Variants in TENM3 observed in about 807,000 individuals in gnomAD.
TENM3 encodes teneurin-3.
In TENM3, 63 loss-of-function variants were observed where a neutral mutation model predicts 255.1. The ratio of observed to expected loss-of-function variants is 0.25; its 90% CI spans 0.20 to 0.30. The LOEUF is 0.30. Among genes scored for constraint, TENM3 ranks in the 10% least tolerant of loss-of-function variants. The probability of loss-of-function intolerance (pLI) is 1.00; values close to 1 mark genes in which losing one functional copy is unlikely to be tolerated. For missense variants in TENM3, 2,929 were observed against 3,461.1 expected (o/e 0.85, Z 3.86); for synonymous variants, 1,306 against 1,322.3 (o/e 0.99, Z 0.27).
intron 2 of TENM3, among the ~76,000 whole-genome samples, chr4:182,326,769 C>G (rs2150522576): frequency 6.6e-6 from 1 of 152,210 alleles, no homozygotes; most frequent in East Asian, 1.9e-4. Context: ...TCTCAAACTC[C>G]TGGCCTCAAG....
At chr4:181,476,205 GGTT>G in the TENM3 span, among the ~76,000 whole-genome samples, 20,134 of 97,906 alleles carry the variant, frequency 0.21, 2,015 homozygotes, top group East Asian at 0.4. Flanking sequence ...ACATTTTAGG[GGTT>G]TTTTTTTTTT....
At chr4:182,460,757 A>C (rs1435286054) in intron 3 of TENM3, among the ~76,000 whole-genome samples, 1 of 152,098 alleles carries the variant, frequency 6.6e-6, no homozygotes, top group Non-Finnish European at 1.5e-5. Flanking sequence ...ATTGCACTTT[A>C]TTTCTTTTTA....
the TENM3 span, among the ~76,000 whole-genome samples, chr4:181,466,266 C>T: frequency 6.6e-6 from 1 of 151,858 alleles, no homozygotes. Flanking sequence ...TACAGGCATG[C>T]AACACCACAC....
chr4:182,350,476 G>T (rs145941425), intron 3 of TENM3, among the ~76,000 whole-genome samples: 93 of 152,298 alleles, frequency 6.1e-4, no homozygotes, highest in African/African-American at 2.2e-3. Context: ...CCCATTGATT[G>T]TTGTGGTGGT....
At position 182,390,304 on chromosome 4, in the gene TENM3, C is replaced by T. The variant is rs149076429; in HGVS notation, c.511+43375C>T. Among the ~76,000 whole-genome samples the T allele has an allele frequency of 5.9e-3, 900 of 152,262 alleles. 5 individuals are homozygous for T. Among genetic ancestry groups the T allele is most frequent in the African/African-American group, 0.021 (852 of 41,552 alleles). ...TAATAATTTATTAACTGCAACATTTCCTCTGGGCTTTATCTGTGTGATGCT... is the reference window on the plus strand; with the variant it reads ...TAATAATTTATTAACTGCAACATTTTCTCTGGGCTTTATCTGTGTGATGCT... On this transcript the variant is annotated intron_variant, in intron 3 of 27. Coordinates refer to ENST00000511685, the MANE Select transcript of TENM3 (RefSeq NM_001080477.4).
At chr4:182,441,638 C>T (rs1772496505) in intron 3 of TENM3, among the ~76,000 whole-genome samples, 1 of 152,202 alleles carries the variant, frequency 6.6e-6, no homozygotes, top group Non-Finnish European at 1.5e-5. Flanking sequence ...GCTGGGACTA[C>T]AGGCACGTGC....
the TENM3 span, among the ~76,000 whole-genome samples, chr4:181,858,134 C>T: frequency 1.3e-5 from 2 of 152,168 alleles, no homozygotes; most frequent in African/African-American, 2.4e-5. Flanking sequence ...GGTCCCACTC[C>T]GTCACCCAGG....
the TENM3 span, among the ~76,000 whole-genome samples, chr4:181,789,798 C>T: frequency 6.6e-6 from 1 of 152,258 alleles, no homozygotes; most frequent in South Asian, 2.1e-4. Context: ...GTTTGCTAAG[C>T]TTCCAGATTG....
At position 182,793,931 on chromosome 4, in the gene TENM3, T is replaced by C. The variant is rs888492670; in HGVS notation, c.7213+46T>C. 21 of 1,489,306 alleles carry C rather than the reference T, an allele frequency of 1.4e-5. No individual in the cohort carries two copies. The highest frequency in any genetic ancestry group is 1.8e-5 in the Non-Finnish European group (20 of 1,106,396). 92.3% of individuals were successfully genotyped at this position (1,489,306 alleles called of 1,614,324 possible). A position where few individuals can be genotyped will look rare whatever the true frequency, so the allele number is the denominator to read the frequency against. On this transcript the variant is annotated intron_variant, in intron 26 of 27. Transcript: ENST00000511685. This position sits in a 1 kb window ranked among gnomAD's most constrained non-coding sequence, Gnocchi z 5.7. ...CCAAGAGCTGGAGGACTACCATCAT[T>C]AGATTAATACACAAAATAACTGGAA...
the TENM3 span, among the ~76,000 whole-genome samples, chr4:181,993,080 C>A: frequency 1.3e-5 from 2 of 152,074 alleles, no homozygotes; most frequent in African/African-American, 4.8e-5. Flanking sequence ...CCTGTAAGGA[C>A]TTTTGTACCG....
At chr4:182,136,117 CA>C in the TENM3 span, among the ~76,000 whole-genome samples, 1 of 151,792 alleles carries the variant, frequency 6.6e-6, no homozygotes, top group Non-Finnish European at 1.5e-5. Context: ...CAGAGCACTA[CA>C]GTATCAAGTT....
the TENM3 span, among the ~76,000 whole-genome samples, chr4:181,788,590 T>C: frequency 6.6e-6 from 1 of 152,100 alleles, no homozygotes; most frequent in Admixed American, 6.6e-5. Flanking sequence ...GTCTCCCATC[T>C]TCTCATTTTT....
chr4:182,655,904 G>T (rs576764783), intron 6 of TENM3, among the ~76,000 whole-genome samples: 1 of 152,184 alleles, frequency 6.6e-6, no homozygotes, highest in South Asian at 2.1e-4. Context: ...AATGCATCCT[G>T]GGATTTTCCA....
At chr4:181,949,667 C>T in the TENM3 span, among the ~76,000 whole-genome samples, 1 of 152,200 alleles carries the variant, frequency 6.6e-6, no homozygotes, top group Non-Finnish European at 1.5e-5. Flanking sequence ...CTGCCATTCT[C>T]TACGTATCCC....
chr4:182,766,153 G>A (rs1473186316), intron 22 of TENM3, among the ~76,000 whole-genome samples: 2 of 152,120 alleles, frequency 1.3e-5, no homozygotes, highest in African/African-American at 4.8e-5. Flanking sequence ...CAGGATACAA[G>A]GAGAACAAAA....
chr4:181,705,788 T>C, the TENM3 span, among the ~76,000 whole-genome samples: 3 of 152,146 alleles, frequency 2.0e-5, no homozygotes, highest in African/African-American at 7.2e-5. Context: ...ACAGTCATTT[T>C]ACCTGATCTC....
chr4:181,634,659 C>A, the TENM3 span, among the ~76,000 whole-genome samples: 4 of 152,054 alleles, frequency 2.6e-5, no homozygotes, highest in Non-Finnish European at 5.9e-5. Flanking sequence ...GTGCTAAAAG[C>A]CTCTGCTTAT....
intron 3 of TENM3, among the ~76,000 whole-genome samples, chr4:182,386,389 C>A (rs888876177): frequency 5.9e-5 from 9 of 152,212 alleles, no homozygotes; most frequent in African/African-American, 2.2e-4. Context: ...TGAGAGGTGA[C>A]AGCGTGCTGG....
At chr4:181,657,857 C>T in the TENM3 span, among the ~76,000 whole-genome samples, 1 of 152,046 alleles carries the variant, frequency 6.6e-6, no homozygotes, top group Non-Finnish European at 1.5e-5. Flanking sequence ...AACCGGAGGC[C>T]ATTATCCTAA....
Sources: gnomAD v4.1 joint callset for allele counts (sites outside exome capture counted in the v4.1 genomes callset) on GRCh38, gnomAD v4.1.1 for gene constraint, Gnocchi (gnomAD v3.1) non-coding constraint, MANE v1.5 for transcripts, NCBI Gene and HGNC (gene_info 2026-07-23, HGNC 2026-07-21) for gene names.